Variants in SAMD13 observed in about 807,000 individuals in gnomAD.
SAMD13 encodes the protein sterile alpha motif domain-containing protein 13.
A neutral mutation model predicts 12.4 loss-of-function variants in SAMD13; 9 were observed. That is an observed-to-expected ratio of 0.72 (90% confidence interval 0.44 to 1.26). The LOEUF (loss-of-function observed/expected upper bound fraction) is 1.26. Ranked by LOEUF, SAMD13 falls within the 50% of genes most tolerant of loss-of-function variation. The pLI is 0.00. For synonymous variants in SAMD13, 46 were observed against 45.4 expected, an observed-to-expected ratio of 1.01 and a Z score of -0.05; for missense variants, 84 against 119.6, an observed-to-expected ratio of 0.70 and a Z score of 1.39.
At chr1:84,345,543 A>G (rs1430403465) in intron 3 of SAMD13, among the ~76,000 whole-genome samples, 1 of 152,202 alleles carries the variant, frequency 6.6e-6, no homozygotes, top group African/African-American at 2.4e-5. Flanking sequence ...GGGACAGTAG[A>G]GGCCACCACC....
At chr1:84,300,672 G>GT (rs1678436201), upstream of SAMD13, among the ~76,000 whole-genome samples, 1 of 152,158 alleles carries the variant, frequency 6.6e-6, no homozygotes, top group Non-Finnish European at 1.5e-5. Flanking sequence ...AACCATGTAT[G>GT]TTTTCTGTGT....
chr1:84,334,884 T>C (rs551488155), intron 3 of SAMD13, among the ~76,000 whole-genome samples: 53 of 152,290 alleles, frequency 3.5e-4, no homozygotes, highest in African/African-American at 1.2e-3. Context: ...TACTGATATA[T>C]ATTTTTATTG....
Position 84,349,991 on chromosome 1 carries a change from A to G in SAMD13, c.*217A>G. 3 of 991,086 alleles carry G rather than the reference A, an allele frequency of 3.0e-6. No homozygotes were observed. Among genetic ancestry groups the G allele is most frequent in the Admixed American group, 3.9e-5 (1 of 25,728 alleles). The allele number at this position is 991,086 out of a possible 1,614,324, so 61.4% of individuals were successfully genotyped here. A position where few individuals can be genotyped will look rare whatever the true frequency, so the allele number is the denominator to read the frequency against. On this transcript the variant is annotated 3_prime_UTR_variant, in exon 4 of 4. Transcript: ENST00000394834. Reference sequence around the variant, plus strand: ...AGATGCGCACAGGGTGGTTTTCCTCATGGATTTTGTCAAATAGATGATCTT... The same window carrying G: ...AGATGCGCACAGGGTGGTTTTCCTCGTGGATTTTGTCAAATAGATGATCTT...
At chr1:84,328,037 T>A (rs1679094360) in intron 3 of SAMD13, among the ~76,000 whole-genome samples, 1 of 152,186 alleles carries the variant, frequency 6.6e-6, no homozygotes, top group African/African-American at 2.4e-5. Flanking sequence ...AACAAAAAAA[T>A]ACTTAGCTAA....
intron 2 of SAMD13, among the ~76,000 whole-genome samples, chr1:84,306,626 C>A (rs1678578024): frequency 8.4e-6 from 1 of 119,378 alleles, no homozygotes; most frequent in South Asian, 2.7e-4. Context: ...TGTGAAACCC[C>A]ATCTCTACTA....
At position 84,323,583 on chromosome 1, in the gene SAMD13, C is replaced by T. The variant is rs529771405; in HGVS notation, c.54-2054C>T. ...CACATGTGCCATCGATCAGTGACTCCCTTTAACTAGTACAGAAGTTGGTTT... is the reference window on the plus strand; with the variant it reads ...CACATGTGCCATCGATCAGTGACTCTCTTTAACTAGTACAGAAGTTGGTTT... On this transcript the variant is annotated intron_variant, in intron 2 of 3. Transcript: ENST00000394834. Among the ~76,000 whole-genome samples the T allele has an allele frequency of 7.2e-4, 110 of 152,164 alleles. 1 individual carries two copies. The South Asian group carries it at 0.022, about 31-fold the overall frequency.
intron 3 of SAMD13, among the ~76,000 whole-genome samples, chr1:84,326,253 TATGTG>T (rs754903760): frequency 1.3e-5 from 2 of 152,186 alleles, no homozygotes; most frequent in African/African-American, 2.4e-5. Context: ...CTTCTATCTC[TATGTG>T]ACCCTAGGCA....
intron 3 of SAMD13, among the ~76,000 whole-genome samples, chr1:84,328,966 T>A (rs1679118481): frequency 6.6e-6 from 1 of 152,166 alleles, no homozygotes; most frequent in Non-Finnish European, 1.5e-5. Context: ...TTGCCAGTGA[T>A]GTGGGGAGCT....
chr1:84,348,370 G>A (rs2101824075), intron 3 of SAMD13, among the ~76,000 whole-genome samples: 1 of 152,264 alleles, frequency 6.6e-6, no homozygotes, highest in Non-Finnish European at 1.5e-5. Context: ...CCGCCCTGGG[G>A]ATGGTGTGGG....
At position 84,325,635 on chromosome 1, in the gene SAMD13, A is replaced by G; in HGVS notation, c.54-2A>G. On this transcript the variant is annotated splice_acceptor_variant, in intron 2 of 3. Coordinates refer to ENST00000394834, the MANE Select transcript of SAMD13 (RefSeq NM_001134663.2). LOFTEE classifies it high-confidence loss of function. ...ACAACTGTCTGGATTTGTGTTTTGC[A>G]GTTCCATGGAAAATGGGAGACCACC... The G allele has an allele frequency of 6.3e-7, 1 of 1,583,028 alleles. No homozygotes were observed. Among genetic ancestry groups the G allele is most frequent in the Non-Finnish European group, 8.7e-7 (1 of 1,152,054 alleles).
intron 2 of SAMD13, chr1:84,303,934 A>T (rs535842793): frequency 1.3e-5 from 2 of 152,340 alleles, no homozygotes; most frequent in African/African-American, 4.8e-5. Context: ...TATATGAAAA[A>T]TGTATATTCT....
At chr1:84,309,401 A>C (rs1307905957) in intron 2 of SAMD13, among the ~76,000 whole-genome samples, 2 of 152,256 alleles carry the variant, frequency 1.3e-5, no homozygotes, top group East Asian at 3.9e-4. Context: ...TCTCATTTCA[A>C]ATTTGTTGAC....
chr1:84,328,054 T>C (rs908414611), intron 3 of SAMD13, among the ~76,000 whole-genome samples: 29 of 152,190 alleles, frequency 1.9e-4, no homozygotes, highest in Admixed American at 1.5e-3. Flanking sequence ...CTAAAAGGTC[T>C]CTTGGCCAGA....
chr1:84,309,251 A>G (rs1303641853), intron 2 of SAMD13, among the ~76,000 whole-genome samples: 2 of 152,168 alleles, frequency 1.3e-5, no homozygotes, highest in African/African-American at 2.4e-5. Flanking sequence ...TTTTATAACT[A>G]TCCTCACTCA....
intron 2 of SAMD13, among the ~76,000 whole-genome samples, chr1:84,321,683 A>G (rs1570242217): frequency 6.6e-6 from 1 of 152,296 alleles, no homozygotes; most frequent in Non-Finnish European, 1.5e-5. Context: ...ATTTGGACAA[A>G]ATATCAGTCC....
chr1:84,338,776 C>T (rs1679357193), intron 3 of SAMD13, among the ~76,000 whole-genome samples: 1 of 152,054 alleles, frequency 6.6e-6, no homozygotes, highest in African/African-American at 2.4e-5. Flanking sequence ...TCTCCTGAGA[C>T]TTATTCACTA....
chr1:84,339,856 G>T (rs1679386789), intron 3 of SAMD13, among the ~76,000 whole-genome samples: 1 of 152,186 alleles, frequency 6.6e-6, no homozygotes, highest in African/African-American at 2.4e-5. Context: ...GTAGCTAAAA[G>T]AATTGGATAG....
intron 3 of SAMD13, among the ~76,000 whole-genome samples, chr1:84,347,564 G>T (rs2101823423): frequency 6.6e-6 from 1 of 152,312 alleles, no homozygotes; most frequent in South Asian, 2.1e-4. Flanking sequence ...AATGAAAGCA[G>T]TGTCATCTCT....
intron 3 of SAMD13, among the ~76,000 whole-genome samples, chr1:84,340,837 G>A (rs115076528): frequency 0.012 from 1,772 of 152,266 alleles, 18 homozygotes; most frequent in Middle Eastern, 0.027. Flanking sequence ...ATTATTTCTG[G>A]GGGTGTCTGT....
Sources: gnomAD v4.1 joint callset for allele counts (sites outside exome capture counted in the v4.1 genomes callset) on GRCh38, gnomAD v4.1.1 for gene constraint, MANE v1.5 for transcripts, NCBI Gene and HGNC (gene_info 2026-07-23, HGNC 2026-07-21) for gene names.